The following MAP2K4 variants were observed in gnomAD, a reference collection of about 807,000 sequenced individuals.
The protein encoded by MAP2K4 is mitogen-activated protein kinase kinase 4.
MAP2K4 carries 4 observed loss-of-function variants against 48.5 expected under a neutral mutation model. That is an observed-to-expected ratio of 0.08 (90% confidence interval 0.04 to 0.19). The LOEUF (loss-of-function observed/expected upper bound fraction) is 0.19, where lower values mean the gene tolerates loss of function less well. Ranked by LOEUF, MAP2K4 falls within the 10% of genes least tolerant of loss-of-function variation. The pLI is 1.00. For missense variants in MAP2K4, 258 were observed against 493.3 expected (o/e 0.52, Z 4.52); for synonymous variants, 166 against 173.1 (o/e 0.96, Z 0.32).
chr17:12,115,837 G>A, intron 7 of MAP2K4: 7 of 707,638 alleles, frequency 9.9e-6, no homozygotes, highest in South Asian at 9.6e-5. Flanking sequence ...CTGTGCGATG[G>A]GAGAATAAAA....
chr17:12,076,248 G>C (rs942622704), intron 2 of MAP2K4, among the ~76,000 whole-genome samples: 1 of 149,752 alleles, frequency 6.7e-6, no homozygotes, highest in Non-Finnish European at 1.5e-5. Flanking sequence ...TGTCCAGTCT[G>C]ATTAATGTTC....
chr17:12,070,350 C>T (rs1169768281), intron 2 of MAP2K4, among the ~76,000 whole-genome samples: 1 of 152,048 alleles, frequency 6.6e-6, no homozygotes, highest in East Asian at 1.9e-4. Context: ...GGATATTAAA[C>T]AAGGAGGTTT....
At chr17:12,124,813 C>G (rs1216293641) in intron 7 of MAP2K4, 2 of 157,906 alleles carry the variant, frequency 1.3e-5, no homozygotes, top group African/African-American at 4.8e-5. Flanking sequence ...GTAGCTGGGA[C>G]TACAGGCACC....
chr17:12,021,337 G>T (rs961657801), intron 1 of MAP2K4: 7 of 166,720 alleles, frequency 4.2e-5, no homozygotes, highest in Non-Finnish European at 6.4e-5. Context: ...CGCCCGCCCG[G>T]CCCCCGTTTC....
At chr17:12,132,180 G>C (rs1304284264) in intron 9 of MAP2K4, among the ~76,000 whole-genome samples, 1 of 152,184 alleles carries the variant, frequency 6.6e-6, no homozygotes, top group South Asian at 2.1e-4. Flanking sequence ...GCAGTATCCA[G>C]TATAGCTGAT....
intron 6 of MAP2K4, among the ~76,000 whole-genome samples, chr17:12,111,730 G>A (rs148885030): frequency 6.6e-6 from 1 of 152,244 alleles, no homozygotes; most frequent in Admixed American, 6.5e-5. Flanking sequence ...TGGAGTCAGT[G>A]CTTTTGATTA....
At chr17:12,057,478 T>C (rs892905207) in intron 2 of MAP2K4, among the ~76,000 whole-genome samples, 10 of 152,198 alleles carry the variant, frequency 6.6e-5, no homozygotes, top group Non-Finnish European at 1.3e-4. Context: ...GTTTTCTTTA[T>C]TCTTGATATT....
intron 9 of MAP2K4, among the ~76,000 whole-genome samples, chr17:12,134,367 G>A (rs990427179): frequency 3.9e-5 from 6 of 152,158 alleles, no homozygotes; most frequent in Non-Finnish European, 7.3e-5. Context: ...TTGTAAGGAG[G>A]GAATAATTTG....
chr17:12,104,279 G>A (rs1361924536), intron 4 of MAP2K4, among the ~76,000 whole-genome samples: 1 of 152,130 alleles, frequency 6.6e-6, no homozygotes, highest in Non-Finnish European at 1.5e-5. Context: ...TTTTCCTGGA[G>A]TCACAAACCA....
chr17:12,024,310 T>TCAA (rs1969188011), intron 1 of MAP2K4, among the ~76,000 whole-genome samples: 1 of 152,224 alleles, frequency 6.6e-6, no homozygotes, highest in African/African-American at 2.4e-5. Context: ...ATAAGAGTAA[T>TCAA]CAACAGACGT....
intron 3 of MAP2K4, among the ~76,000 whole-genome samples, chr17:12,090,258 T>A (rs1597456917): frequency 6.6e-6 from 1 of 152,120 alleles, no homozygotes; most frequent in African/African-American, 2.4e-5. Context: ...TTTGGGAGAA[T>A]CAGTAGTTGT....
chr17:12,127,560 A>G (rs1309892700), intron 8 of MAP2K4, among the ~76,000 whole-genome samples: 2 of 152,214 alleles, frequency 1.3e-5, no homozygotes, highest in African/African-American at 4.8e-5. Context: ...CTGTACTTAC[A>G]GTTGGTTCAT....
chr17:12,121,002 G>T (rs930103223), intron 7 of MAP2K4, among the ~76,000 whole-genome samples: 30 of 152,138 alleles, frequency 2.0e-4, no homozygotes, highest in African/African-American at 7.0e-4. Context: ...TTAAGTATTT[G>T]TGTGAACAAG....
At chr17:12,103,798 T>C (rs1301682327) in intron 4 of MAP2K4, among the ~76,000 whole-genome samples, 1 of 152,202 alleles carries the variant, frequency 6.6e-6, no homozygotes, top group Non-Finnish European at 1.5e-5. Context: ...CATAGTTTTA[T>C]TCAACATAGT....
chr17:12,089,104 G>A (rs1971479294), intron 3 of MAP2K4, among the ~76,000 whole-genome samples: 1 of 151,890 alleles, frequency 6.6e-6, no homozygotes, highest in Non-Finnish European at 1.5e-5. Context: ...AGTAGAGACG[G>A]GGTTTCACCG....
intron 8 of MAP2K4, among the ~76,000 whole-genome samples, chr17:12,127,059 A>G (rs1342196478): frequency 6.6e-6 from 1 of 152,206 alleles, no homozygotes; most frequent in African/African-American, 2.4e-5. Flanking sequence ...ACATGTTTCT[A>G]GGATCTTCTC....
intron 4 of MAP2K4, among the ~76,000 whole-genome samples, chr17:12,107,382 CTTT>C (rs71367383): frequency 6.6e-5 from 7 of 106,372 alleles, no homozygotes; most frequent in African/African-American, 2.1e-4. Flanking sequence ...TGTCTTTTTC[CTTT>C]TTTTTTTTTT....
intron 1 of MAP2K4, among the ~76,000 whole-genome samples, chr17:12,031,915 G>A (rs1362058123): frequency 6.6e-6 from 1 of 152,106 alleles, no homozygotes; most frequent in African/African-American, 2.4e-5. Context: ...AACTCATTCT[G>A]TATTTGTAGG....
intron 1 of MAP2K4, among the ~76,000 whole-genome samples, chr17:12,036,010 A>T (rs998553962): frequency 6.6e-6 from 1 of 152,196 alleles, no homozygotes; most frequent in Middle Eastern, 3.2e-3. Flanking sequence ...ACAAATAGCG[A>T]TTACATATTT....
Sources: gnomAD v4.1 joint callset for allele counts (sites outside exome capture counted in the v4.1 genomes callset) on GRCh38, gnomAD v4.1.1 for gene constraint, MANE v1.5 for transcripts, NCBI Gene and HGNC (gene_info 2026-07-23, HGNC 2026-07-21) for gene names.